Variants in PTK2 observed in about 807,000 individuals in gnomAD.
PTK2 encodes protein tyrosine kinase 2.
Under a neutral mutation model 150.1 loss-of-function variants are expected in PTK2, and 45 were observed. The observed-to-expected ratio is 0.30, with a 90% confidence interval of 0.24 to 0.38. The LOEUF is 0.38. Among genes scored for constraint, PTK2 ranks in the 10% least tolerant of loss-of-function variants. PTK2 has a pLI of 1.00. For synonymous variants in PTK2, 432 were observed against 449.2 expected (o/e 0.96, Z 0.48); for missense variants, 919 against 1,307.3 (o/e 0.70, Z 4.58).
At chr8:140,839,251 G>C (rs2100120814) in intron 7 of PTK2, among the ~76,000 whole-genome samples, 6 of 152,098 alleles carry the variant, frequency 3.9e-5, no homozygotes, top group Admixed American at 3.3e-4. Context: ...ACTGAGGTTG[G>C]ACCTGACGAA....
chr8:140,803,741 G>C (rs763332679), intron 10 of PTK2, 91 bp from the exon 11 acceptor site: 9 of 1,173,738 alleles, frequency 7.7e-6, no homozygotes, highest in Non-Finnish European at 1.0e-5. Context: ...TCGTTGTCCT[G>C]AAGACATCCT....
chr8:140,743,161 A>G (rs909108018), intron 20 of PTK2, 69 bp downstream of exon 23: 25 of 1,074,676 alleles, frequency 2.3e-5, no homozygotes, highest in Non-Finnish European at 2.4e-5. Context: ...AGCATATTAG[A>G]ACATACTGTT....
intron 2 of PTK2, among the ~76,000 whole-genome samples, chr8:140,896,854 A>G (rs912102906): frequency 2.0e-5 from 3 of 151,754 alleles, no homozygotes; most frequent in African/African-American, 7.3e-5. Flanking sequence ...TTATTCATAA[A>G]CTATGTAAGT....
chr8:140,911,375 G>T (rs1000527104), intron 2 of PTK2, among the ~76,000 whole-genome samples: 2 of 151,940 alleles, frequency 1.3e-5, no homozygotes, highest in Middle Eastern at 3.2e-3. Context: ...TTACATTTTA[G>T]ATTTTGTTCA....
intron 5 of PTK2, among the ~76,000 whole-genome samples, chr8:140,856,737 A>AT (rs1234621554): frequency 6.6e-6 from 1 of 152,192 alleles, no homozygotes; most frequent in Non-Finnish European, 1.5e-5. Context: ...TGAAAACTCA[A>AT]TAAATGTATA....
intron 1 of PTK2, among the ~76,000 whole-genome samples, chr8:140,974,295 A>G (rs1480146080): frequency 6.6e-6 from 1 of 152,196 alleles, no homozygotes; most frequent in Non-Finnish European, 1.5e-5. Flanking sequence ...AATCCAACTG[A>G]GGAAACTACA....
At chr8:140,704,047 C>G (rs1025513188) in intron 24 of PTK2, among the ~76,000 whole-genome samples, 4 of 152,126 alleles carry the variant, frequency 2.6e-5, no homozygotes, top group Non-Finnish European at 5.9e-5. Context: ...ATAGTTAGTT[C>G]TCACAGTTTA....
At chr8:140,879,186 G>A (rs1013447883) in intron 4 of PTK2, 3 of 253,594 alleles carry the variant, frequency 1.2e-5, no homozygotes, top group African/African-American at 6.8e-5. Flanking sequence ...GTTTTATTGG[G>A]AGCAAAGGTT....
chr8:140,659,406 T>C (rs1445016306), exon 32 of PTK2: 31 of 1,467,528 alleles, frequency 2.1e-5, no homozygotes, highest in Non-Finnish European at 2.8e-5. Context: ...TCCTCGCTGC[T>C]GGTGGAAGGC....
chr8:140,742,528 ATTCT>A (rs1395526428), intron 20 of PTK2, among the ~76,000 whole-genome samples: 1 of 152,172 alleles, frequency 6.6e-6, no homozygotes, highest in African/African-American at 2.4e-5. Flanking sequence ...TTGCCAGCAT[ATTCT>A]TTATTTTAAC....
chr8:140,818,393 AG>A (rs1303652861), intron 9 of PTK2, 39 bp from the exon 10 acceptor site: 1 of 1,546,214 alleles, frequency 6.5e-7, no homozygotes, highest in South Asian at 1.1e-5. Flanking sequence ...AGGTGGCAGA[AG>A]GAAAAAAGAA....
chr8:140,700,746 C>T (rs1278301507), intron 26 of PTK2, 145 bp downstream of exon 29: 1 of 1,061,388 alleles, frequency 9.4e-7, no homozygotes, highest in Non-Finnish European at 1.3e-6. Context: ...AAATAGGCCA[C>T]CATGCCTGGC....
intron 7 of PTK2, among the ~76,000 whole-genome samples, chr8:140,843,921 A>G (rs1329379388): frequency 2.0e-5 from 3 of 151,862 alleles, no homozygotes; most frequent in East Asian, 3.8e-4. Context: ...TTCTGTTCCA[A>G]CATCATATGG....
At chr8:140,954,284 G>A (rs1364210661) in intron 1 of PTK2, among the ~76,000 whole-genome samples, 1 of 152,042 alleles carries the variant, frequency 6.6e-6, no homozygotes, top group Non-Finnish European at 1.5e-5. Flanking sequence ...CCAGCCACTT[G>A]GTCTCAAACT....
intron 22 of PTK2, among the ~76,000 whole-genome samples, chr8:140,719,410 C>A (rs59161149): frequency 0.022 from 3,398 of 152,108 alleles, 130 homozygotes; most frequent in African/African-American, 0.079. Flanking sequence ...ATGTGCCAGG[C>A]CCAGGTGAGT....
chr8:140,672,223 C>G, intron 29 of PTK2: 1 of 438,084 alleles, frequency 2.3e-6, no homozygotes. Context: ...GAGATGGGGT[C>G]TCACTATGTT....
intron 29 of PTK2, among the ~76,000 whole-genome samples, chr8:140,673,733 C>T (rs1157531990): frequency 6.6e-6 from 1 of 152,134 alleles, no homozygotes; most frequent in East Asian, 1.9e-4. Flanking sequence ...GCTGGCACCC[C>T]TCGGGGCAGG....
intron 1 of PTK2, among the ~76,000 whole-genome samples, chr8:140,981,227 G>C (rs1305311143): frequency 2.0e-5 from 3 of 152,048 alleles, no homozygotes; most frequent in Non-Finnish European, 2.9e-5. Context: ...ACCACCAAGA[G>C]AGAAAGAAAC....
chr8:140,986,024 T>C (rs1187824100), intron 1 of PTK2, among the ~76,000 whole-genome samples: 6 of 152,220 alleles, frequency 3.9e-5, no homozygotes, highest in African/African-American at 1.4e-4. Flanking sequence ...TTAGTGGTTT[T>C]CAAATGCAGA....
Sources: allele counts gnomAD v4.1 joint callset (sites outside exome capture counted in the v4.1 genomes callset), GRCh38; gene constraint gnomAD v4.1.1; transcripts MANE v1.5; gene names NCBI Gene and HGNC (gene_info 2026-07-23, HGNC 2026-07-21).